The following HOXD9 variants were observed in gnomAD, a reference collection of about 807,000 sequenced individuals.
HOXD9 encodes the protein homeobox protein Hox-D9.
A neutral mutation model predicts 24.6 loss-of-function variants in HOXD9; 21 were observed. That is an observed-to-expected ratio of 0.85 (90% CI 0.61 to 1.23). The LOEUF (loss-of-function observed/expected upper bound fraction) is 1.23, where lower values mean the gene tolerates loss of function less well. Ranked by LOEUF, HOXD9 falls within the 50% of genes most tolerant of loss-of-function variation. HOXD9 has a pLI of 0.00. For missense variants in HOXD9, 503 were observed against 503.6 expected (o/e 1.00, Z 0.01); for synonymous variants, 240 against 226.4 (o/e 1.06, Z -0.54).
In HOXD9 at chr2:176,122,722, C is replaced by A. The variant is rs200294272; in HGVS notation, c.-47C>A. 8,924 of 1,454,000 alleles carry A rather than the reference C, an allele frequency of 6.1e-3. 57 individuals carry two copies. The highest frequency in any genetic ancestry group is 5.9e-3 in the Non-Finnish European group (6,467 of 1,104,772). The allele number at this position is 1,454,000 out of a possible 1,614,324, so 90.1% of individuals were successfully genotyped here. On this transcript the variant is annotated 5_prime_UTR_variant, in exon 1 of 2. Coordinates refer to ENST00000249499, the MANE Select transcript of HOXD9 (RefSeq NM_014213.4). Reference sequence around the variant, plus strand: ...TGGAGGCTGCAGCCTGCGAACTAGTCGGTGGCTCGGGCGCCGGCGGGGAGC... The same window carrying A: ...TGGAGGCTGCAGCCTGCGAACTAGTAGGTGGCTCGGGCGCCGGCGGGGAGC...
chr2:176,124,285 A>G lies in HOXD9; in HGVS notation c.*110A>G, dbSNP rs1574956941. On this transcript the variant is annotated 3_prime_UTR_variant, in exon 2 of 2. Transcript: ENST00000249499. The stretch of plus-strand genomic sequence containing the variant: ...TTCCAGAAACTCTCCAGCGACTTGG[A>G]CTTCTTCTTCTTTTTTTTTTTCTTT... 1 of 1,389,548 alleles carries G rather than the reference A, an allele frequency of 7.2e-7. No individual in the cohort carries two copies. The highest frequency in any genetic ancestry group is 9.4e-7 in the Non-Finnish European group (1 of 1,059,842). 86.1% of individuals were successfully genotyped at this position (1,389,548 alleles called of 1,614,324 possible). A position where few individuals can be genotyped will look rare whatever the true frequency, so the allele number is the denominator to read the frequency against.
Position 176,123,344 on chromosome 2 carries a change from G to C in HOXD9, c.576G>C (p.Glu192Asp). ...TATCCTCCTCCTCCAAACGGACTGA[G>C]TGCTCCGTGGCCCGGGAGTCCCAGG... ...TSLSSSSKRTECSVARESQGS... is the reference protein window; with the variant it reads ...TSLSSSSKRTDCSVARESQGS... Residue 192 changes from glutamate to aspartate, a missense_variant, in exon 1 of 2, where the codon GAG becomes GAC. Transcript: ENST00000249499. This position sits in a 1 kb window ranked among gnomAD's most constrained non-coding sequence, Gnocchi z 4.2. The C allele has an allele frequency of 6.4e-7, 1 of 1,550,680 alleles. No homozygotes were observed. The highest frequency in any genetic ancestry group is 2.0e-5 in the Admixed American group (1 of 51,026).
At position 176,124,510 on chromosome 2, in the gene HOXD9, T is replaced by TC; in HGVS notation, c.*340dup. On this transcript the variant is annotated 3_prime_UTR_variant, in exon 2 of 2. Coordinates refer to ENST00000249499, the MANE Select transcript of HOXD9 (RefSeq NM_014213.4). ...TGGGGAGCCCTCTCTTGTGTAAATG[T>TC]CCCCCATGTTTCTGAAAAGTGCTGT... 1 of 179,702 alleles carries TC rather than the reference T, an allele frequency of 5.6e-6. No homozygotes were observed. Among genetic ancestry groups the TC allele is most frequent in the East Asian group, 1.5e-4 (1 of 6,696 alleles). The allele number at this position is 179,702 out of a possible 1,614,324, so 11.1% of individuals were successfully genotyped here.
Position 176,123,982 on chromosome 2 carries a change from G to T in HOXD9, c.866G>T (p.Arg289Leu), listed in dbSNP as rs376874077. ...CACGCTCGCTCCACCCGGAAAAAGC[G>T]CTGTCCCTACACCAAATACCAGACG... is the stretch of plus-strand genomic sequence containing the variant. ...WIHARSTRKKRCPYTKYQTLE... is the reference protein window; with the variant it reads ...WIHARSTRKKLCPYTKYQTLE... Residue 289 changes from arginine (R) to leucine (L), a missense_variant, in exon 2 of 2, where the codon CGC (arginine) becomes CTC (leucine). Physicochemically the swap from Arg to Leu is moderately radical, Grantham distance 102 (BLOSUM62 -2). Coordinates refer to ENST00000249499, the MANE Select transcript of HOXD9 (RefSeq NM_014213.4). The surrounding 1 kb of genome is among the most constrained non-coding windows in gnomAD (Gnocchi z 4.2). 17 of 1,613,456 alleles carry T rather than the reference G, an allele frequency of 1.1e-5. No homozygotes were observed. Among genetic ancestry groups the T allele is most frequent in the Non-Finnish European group, 1.4e-5 (17 of 1,179,644 alleles).
At position 176,123,853 on chromosome 2, in the gene HOXD9, G is replaced by A. The variant is rs555645033; in HGVS notation, c.818-81G>A. 131 of 1,235,916 alleles carry A rather than the reference G, an allele frequency of 1.1e-4. 4 individuals carry two copies. The South Asian group carries it at 1.8e-3, about 17-fold the overall frequency. The allele number at this position is 1,235,916 out of a possible 1,614,324, so 76.6% of individuals were successfully genotyped here. ...CCATCCTTGGTGAAATTAATTTAAC[G>A]ACCTCTCTTCCCCACCCTGTGGTCT... On this transcript the variant is annotated intron_variant, in intron 1 of 1. Transcript: ENST00000249499. This position sits in a 1 kb window ranked among gnomAD's most constrained non-coding sequence, Gnocchi z 4.2.
Position 176,124,172 on chromosome 2 carries a change from C to A in HOXD9, c.1056C>A (p.Asp352Glu). The change falls in exon 2 of 2, where the codon GAC becomes GAA. Residue 352 changes from aspartate to glutamate, a missense_variant. Physicochemically the swap from Asp to Glu is conservative, Grantham distance 45 (BLOSUM62 2). Coordinates refer to ENST00000249499, the MANE Select transcript of HOXD9 (RefSeq NM_014213.4). The stretch of plus-strand genomic sequence containing the variant: ...GCAAGGAGAAATGCCCCAAAGGAGA[C>A]TGACCCGGCGCGGTGCTGGCGGGAG... ...KMSKEKCPKG[D>E] 1 of 1,605,376 alleles carries A rather than the reference C, an allele frequency of 6.2e-7. No homozygotes were observed. Among genetic ancestry groups the A allele is most frequent in the South Asian group, 1.1e-5 (1 of 90,564 alleles).
chr2:176,123,193 G>T lies in HOXD9; in HGVS notation c.425G>T (p.Gly142Val). The T allele has an allele frequency of 7.1e-7, 1 of 1,414,738 alleles. No homozygotes were observed. Among genetic ancestry groups the T allele is most frequent in the Non-Finnish European group, 9.2e-7 (1 of 1,088,350 alleles). The allele number at this position is 1,414,738 out of a possible 1,614,324, so 87.6% of individuals were successfully genotyped here. A position where few individuals can be genotyped will look rare whatever the true frequency, so the allele number is the denominator to read the frequency against. ...GGTGGTGGTGGAGGCGGCGGTCCGG[G>T]CCGCGGTCCCAGCCCTGGCCCCAGC... ...GGGGGGGGGPGRGPSPGPSGP... is the reference protein window; with the variant it reads ...GGGGGGGGGPVRGPSPGPSGP... Residue 142 changes from glycine to valine, a missense_variant, in exon 1 of 2, where the codon GGC (glycine) becomes GTC (valine). Physicochemically the swap from Gly to Val is moderately radical, Grantham distance 109. Coordinates refer to ENST00000249499, the MANE Select transcript of HOXD9 (RefSeq NM_014213.4). This position sits in a 1 kb window ranked among gnomAD's most constrained non-coding sequence, Gnocchi z 4.2.
chr2:176,123,008 C>A lies in HOXD9; in HGVS notation c.240C>A (p.Ser80=). 1 of 1,592,444 alleles carries A rather than the reference C, an allele frequency of 6.3e-7. No individual in the cohort carries two copies. Among genetic ancestry groups the A allele is most frequent in the African/African-American group, 1.4e-5 (1 of 71,700 alleles). ...PRSAVFSASW[S]AVPSQPPAAA... Reference sequence around the variant, plus strand: ...CGGCCGTGTTCTCTGCCTCGTGGTCCGCGGTGCCCTCCCAGCCCCCGGCAG... The same window carrying A: ...CGGCCGTGTTCTCTGCCTCGTGGTCAGCGGTGCCCTCCCAGCCCCCGGCAG... Residue 80 remains serine, a synonymous_variant, in exon 1 of 2, where the codon TCC becomes TCA. Transcript: ENST00000249499. This position sits in a 1 kb window ranked among gnomAD's most constrained non-coding sequence, Gnocchi z 4.2.
At position 176,124,193 on chromosome 2, in the gene HOXD9, G is replaced by A. The variant is rs572161051; in HGVS notation, c.*18G>A. ...GAGACTGACCCGGCGCGGTGCTGGC[G>A]GGAGCGCTCAAGGGCAGCGGATTTG... On this transcript the variant is annotated 3_prime_UTR_variant, in exon 2 of 2. Transcript: ENST00000249499. 3.1e-5 allele frequency: 49 copies of A among 1,585,400 alleles called. No individual in the cohort carries two copies. Among genetic ancestry groups the A allele is most frequent in the Non-Finnish European group, 4.0e-5 (47 of 1,160,988 alleles).
In HOXD9 at chr2:176,124,370, C is replaced by A. The variant is rs1468163650; in HGVS notation, c.*195C>A. 3 of 747,948 alleles carry A rather than the reference C, an allele frequency of 4.0e-6. No homozygotes were observed. In the South Asian group the frequency reaches 9.4e-5, roughly 24 times the overall value. The allele number at this position is 747,948 out of a possible 1,614,324, so 46.3% of individuals were successfully genotyped here. A position where few individuals can be genotyped will look rare whatever the true frequency, so the allele number is the denominator to read the frequency against. The stretch of plus-strand genomic sequence containing the variant: ...GTATTTGGGGGACTCTGTATTTGCT[C>A]GTTTACGTGTTGGAAAAACCAAGTG... On this transcript the variant is annotated 3_prime_UTR_variant, in exon 2 of 2. Transcript: ENST00000249499.
Position 176,124,790 on chromosome 2 carries a change from G to C in HOXD9, c.*615G>C, listed in dbSNP as rs941898360. 2.6e-5 allele frequency: 4 copies of C among 152,386 alleles called. No individual in the cohort carries two copies. Among genetic ancestry groups the C allele is most frequent in the African/African-American group, 9.6e-5 (4 of 41,458 alleles). The allele number at this position is 152,386 out of a possible 1,614,324, so 9.4% of individuals were successfully genotyped here. A position where few individuals can be genotyped will look rare whatever the true frequency, so the allele number is the denominator to read the frequency against. ...GGTTTGTCCTCAGTGCATTGGACGC[G>C]CTGCTCTCTCCCCTGAAGGCTGGGC... On this transcript the variant is annotated 3_prime_UTR_variant, in exon 2 of 2. Coordinates refer to ENST00000249499, the MANE Select transcript of HOXD9 (RefSeq NM_014213.4).
In HOXD9 at chr2:176,122,753, G is replaced by A. The variant is rs747236699; in HGVS notation, c.-16G>A. 6.8e-7 allele frequency: 1 copy of A among 1,461,748 alleles called. No homozygotes were observed. The highest frequency in any genetic ancestry group is 1.8e-4 in the Middle Eastern group (1 of 5,408). The allele number at this position is 1,461,748 out of a possible 1,614,324, so 90.5% of individuals were successfully genotyped here. On this transcript the variant is annotated 5_prime_UTR_variant, in exon 1 of 2. Coordinates refer to ENST00000249499, the MANE Select transcript of HOXD9 (RefSeq NM_014213.4). The stretch of plus-strand genomic sequence containing the variant: ...CTCGGGCGCCGGCGGGGAGCTGCTC[G>A]GCGGCGGACAGTGTAATGTTGGGTG...
rs1159217663 is a variant in HOXD9 at position 176,122,763 on chromosome 2, A to G, written c.-6A>G. The G allele has an allele frequency of 1.4e-6, 2 of 1,473,460 alleles. No homozygotes were observed. Among genetic ancestry groups the G allele is most frequent in the Non-Finnish European group, 1.8e-6 (2 of 1,113,568 alleles). 91.3% of individuals were successfully genotyped at this position (1,473,460 alleles called of 1,614,324 possible). ...GGCGGGGAGCTGCTCGGCGGCGGAC[A>G]GTGTAATGTTGGGTGGGAGTGCGGG... is the stretch of plus-strand genomic sequence containing the variant. On this transcript the variant is annotated 5_prime_UTR_variant, in exon 1 of 2. Transcript: ENST00000249499.
Position 176,123,519 on chromosome 2 carries a change from C to T in HOXD9, c.751C>T (p.Pro251Ser). 1 of 1,503,080 alleles carries T rather than the reference C, an allele frequency of 6.7e-7. No homozygotes were observed. The highest frequency in any genetic ancestry group is 1.3e-5 in the South Asian group (1 of 74,238). The allele number at this position is 1,503,080 out of a possible 1,614,324, so 93.1% of individuals were successfully genotyped here. ...CTCAGCTTGCAGCGACCACCCGATC[C>T]CAGGCTGTTCGCTGAAGGAGGAGGA... ...EPSACSDHPI[P>S]GCSLKEEEKQ... Residue 251 changes from proline (P) to serine (S), a missense_variant, in exon 1 of 2, where the codon CCA becomes TCA. Pro to Ser is a moderately conservative substitution (Grantham distance 74). Transcript: ENST00000249499. This position sits in a 1 kb window ranked among gnomAD's most constrained non-coding sequence, Gnocchi z 4.2.
rs1689936696 is a variant in HOXD9, at chr2:176,124,316, TAGA to T, written c.*144_*146del. 1 of 1,286,286 alleles carries T rather than the reference TAGA, an allele frequency of 7.8e-7. No homozygotes were observed. The highest frequency in any genetic ancestry group is 1.0e-6 in the Non-Finnish European group (1 of 962,810). 79.7% of individuals were successfully genotyped at this position (1,286,286 alleles called of 1,614,324 possible). On this transcript the variant is annotated 3_prime_UTR_variant, in exon 2 of 2. Coordinates refer to ENST00000249499, the MANE Select transcript of HOXD9 (RefSeq NM_014213.4). ...TCTTCTTTTTTTTTTTCTTTTTAGA[TAGA>T]AGTGACTGTGTGGTTGGTCTCTGAG... is the stretch of plus-strand genomic sequence containing the variant.
rs1458433444 is a variant in HOXD9 at position 176,124,184 on chromosome 2, G to T, written c.*9G>T. On this transcript the variant is annotated 3_prime_UTR_variant, in exon 2 of 2. Transcript: ENST00000249499. ...GCCCCAAAGGAGACTGACCCGGCGC[G>T]GTGCTGGCGGGAGCGCTCAAGGGCA... 2 of 1,591,652 alleles carry T rather than the reference G, an allele frequency of 1.3e-6. No homozygotes were observed. The highest frequency in any genetic ancestry group is 1.1e-5 in the South Asian group (1 of 89,294).
chr2:176,124,148 C>A lies in HOXD9; in HGVS notation c.1032C>A (p.Ser344Arg), dbSNP rs1294838331. ...QNRRMKMKKM[S>R]KEKCPKGD is the part of the protein sequence containing the mutation. ...GTAGGATGAAAATGAAAAAGATGAG[C>A]AAGGAGAAATGCCCCAAAGGAGACT... The change falls in exon 2 of 2, where the codon AGC (serine) becomes AGA (arginine). Residue 344 changes from serine (S) to arginine (R), a missense_variant. By Grantham distance (110) the Ser-to-Arg change is moderately radical. Transcript: ENST00000249499. 1 of 1,613,228 alleles carries A rather than the reference C, an allele frequency of 6.2e-7. No individual in the cohort carries two copies. Among genetic ancestry groups the A allele is most frequent in the Non-Finnish European group, 8.5e-7 (1 of 1,179,252 alleles).
In HOXD9 at chr2:176,123,915, C is replaced by T. The variant is rs1321927471; in HGVS notation, c.818-19C>T. 2 of 1,601,320 alleles carry T rather than the reference C, an allele frequency of 1.2e-6. No homozygotes were observed. Among genetic ancestry groups the T allele is most frequent in the African/African-American group, 2.7e-5 (2 of 74,654 alleles). On this transcript the variant is annotated intron_variant, in intron 1 of 1. Coordinates refer to ENST00000249499, the MANE Select transcript of HOXD9 (RefSeq NM_014213.4). The surrounding 1 kb of genome is among the most constrained non-coding windows in gnomAD (Gnocchi z 4.2). ...CCCTCCTCTCCTCTCTCCCCGTCTC[C>T]AAACCTCCCTCTTTGTAGACAACCC...
Position 176,123,218 on chromosome 2 carries a change from C to T in HOXD9, c.450C>T (p.Ser150=), listed in dbSNP as rs1322725440. ...GPGRGPSPGP[S]GPANGRHYGI... ...GCCGCGGTCCCAGCCCTGGCCCCAG[C>T]GGCCCAGCCAACGGGCGCCACTACG... The change falls in exon 1 of 2, where the codon AGC becomes AGT. Residue 150 remains serine, a synonymous_variant. Coordinates refer to ENST00000249499, the MANE Select transcript of HOXD9 (RefSeq NM_014213.4). The surrounding 1 kb of genome is among the most constrained non-coding windows in gnomAD (Gnocchi z 4.2). 28 of 1,457,708 alleles carry T rather than the reference C, an allele frequency of 1.9e-5. No homozygotes were observed. The highest frequency in any genetic ancestry group is 2.9e-5 in the East Asian group (1 of 34,330). The allele number at this position is 1,457,708 out of a possible 1,614,324, so 90.3% of individuals were successfully genotyped here.
Sources: gnomAD v4.1 joint callset for allele counts on GRCh38, gnomAD v4.1.1 for gene constraint, Gnocchi (gnomAD v3.1) non-coding constraint, MANE v1.5 for transcripts, NCBI Gene and HGNC (gene_info 2026-07-23, HGNC 2026-07-21) for gene names.